The following PHLPP1 variants were observed in gnomAD, a reference collection of about 807,000 sequenced individuals.
PHLPP1 encodes the protein PH domain and leucine rich repeat protein phosphatase 1.
Under a neutral mutation model 117.2 loss-of-function variants are expected in PHLPP1, and 42 were observed. That is an observed-to-expected ratio of 0.36 (90% CI 0.28 to 0.46). The LOEUF (loss-of-function observed/expected upper bound fraction) is 0.46, where lower values mean the gene tolerates loss of function less well. Ranked by LOEUF, PHLPP1 falls within the 20% of genes least tolerant of loss-of-function variation. The pLI is 1.00. For synonymous variants in PHLPP1, 1,042 were observed against 970.7 expected (o/e 1.07, Z -1.37); for missense variants, 2,084 against 2,241.9 (o/e 0.93, Z 1.42).
rs1293949337 is a variant in PHLPP1 at position 62,892,057 on chromosome 18, TTTTC to T, written c.2067-2946_2067-2943del. Reference sequence around the variant, plus strand: ...GAAAAGTGTCATTGTTTTCTTTTCATTTTCTTTCTTTTCTTTCTTTCTTTCTTTT... The same window carrying T: ...GAAAAGTGTCATTGTTTTCTTTTCATTTTCTTTTCTTTCTTTCTTTCTTTT... On this transcript the variant is annotated intron_variant, in intron 4 of 16. Coordinates refer to ENST00000262719, the MANE Select transcript of PHLPP1 (RefSeq NM_194449.4). Among the ~76,000 whole-genome samples the T allele has an allele frequency of 4.0e-3, 602 of 149,440 alleles. 2 individuals are homozygous for T. Among genetic ancestry groups the T allele is most frequent in the Non-Finnish European group, 7.2e-3 (483 of 67,422 alleles).
At chr18:62,926,130 A>G (rs1215443236) in intron 10 of PHLPP1, among the ~76,000 whole-genome samples, 1 of 152,212 alleles carries the variant, frequency 6.6e-6, no homozygotes, top group African/African-American at 2.4e-5. Context: ...AAATCAACTG[A>G]CAATTTTTTC....
chr18:62,864,241 C>G (rs1240597905), intron 4 of PHLPP1, among the ~76,000 whole-genome samples: 1 of 151,992 alleles, frequency 6.6e-6, no homozygotes, highest in African/African-American at 2.4e-5. Flanking sequence ...AGGCTGGTCT[C>G]GAACTCCTGA....
chr18:62,861,349 CCTT>C (rs1347114199), intron 4 of PHLPP1, among the ~76,000 whole-genome samples: 2 of 152,180 alleles, frequency 1.3e-5, no homozygotes, highest in Non-Finnish European at 2.9e-5. Context: ...AGTGATCTGC[CCTT>C]CTTGGCCTCC....
Position 62,822,430 on chromosome 18 carries a change from C to T in PHLPP1, c.1577-7605C>T, listed in dbSNP as rs186128954. On this transcript the variant is annotated intron_variant, in intron 1 of 16. Transcript: ENST00000262719. Reference sequence around the variant, plus strand: ...CTGAGTAGCTGGGACTGCAGACACCCGCCACCACGCCCAGCTATTTTTTTT... The same window carrying T: ...CTGAGTAGCTGGGACTGCAGACACCTGCCACCACGCCCAGCTATTTTTTTT... Among the ~76,000 whole-genome samples the T allele has an allele frequency of 1.0e-3, 157 of 151,686 alleles. 2 individuals are homozygous for T. The highest frequency in any genetic ancestry group is 3.5e-3 in the African/African-American group (147 of 41,430).
intron 13 of PHLPP1, among the ~76,000 whole-genome samples, chr18:62,961,404 G>A (rs1243052133): frequency 1.3e-5 from 2 of 152,132 alleles, no homozygotes; most frequent in Non-Finnish European, 2.9e-5. Context: ...TGCTTCACTA[G>A]AAAGAATTAT....
At chr18:62,848,370 A>G (rs759364608) in intron 3 of PHLPP1, among the ~76,000 whole-genome samples, 8 of 151,488 alleles carry the variant, frequency 5.3e-5, no homozygotes, top group Non-Finnish European at 1.2e-4. Context: ...AACTTTTACC[A>G]TTTGGCAAGC....
chr18:62,901,663 G>T lies in PHLPP1; in HGVS notation c.2445-1301G>T, dbSNP rs1237616982. Among the ~76,000 whole-genome samples, 13 of 144,350 alleles carry T rather than the reference G, an allele frequency of 9.0e-5. No individual in the cohort carries two copies. In the Admixed American group the frequency reaches 9.3e-4, roughly 10 times the overall value. 94.7% of individuals were successfully genotyped at this position (144,350 alleles called of 152,430 possible). Reference sequence around the variant, plus strand: ...TTTTGAGATGGAGTCTCGCTCTGTCGCCCAGGCTAGAGTGCAATGGCGTGA... The same window carrying T: ...TTTTGAGATGGAGTCTCGCTCTGTCTCCCAGGCTAGAGTGCAATGGCGTGA... On this transcript the variant is annotated intron_variant, in intron 6 of 16. Transcript: ENST00000262719.
chr18:62,864,739 C>T (rs1915728732), intron 4 of PHLPP1, among the ~76,000 whole-genome samples: 1 of 152,204 alleles, frequency 6.6e-6, no homozygotes, highest in Admixed American at 6.5e-5. Context: ...ATTCCAGTAC[C>T]TGCCCAGAAT....
At chr18:62,832,133 A>G (rs959956344) in intron 2 of PHLPP1, 1 of 152,252 alleles carries the variant, frequency 6.6e-6, no homozygotes, top group Non-Finnish European at 1.5e-5. Context: ...TAATATAACT[A>G]TTCAGTATCC....
intron 1 of PHLPP1, among the ~76,000 whole-genome samples, chr18:62,801,051 CCCTCCCTCCCTCCCT>C: frequency 1.1e-5 from 1 of 93,204 alleles, no homozygotes; most frequent in Non-Finnish European, 2.3e-5. Flanking sequence ...CTCCCTCCCT[CCCTCCCTCCCTCCCT>C]CCTTCCCTTT....
At chr18:62,916,532 TTC>T (rs1909280535) in intron 9 of PHLPP1, among the ~76,000 whole-genome samples, 1 of 151,762 alleles carries the variant, frequency 6.6e-6, no homozygotes. Flanking sequence ...TGAAAGTGCT[TTC>T]TGCCCTAGAA....
At chr18:62,901,934 A>G (rs1227714200) in intron 6 of PHLPP1, among the ~76,000 whole-genome samples, 1 of 151,998 alleles carries the variant, frequency 6.6e-6, no homozygotes, top group Non-Finnish European at 1.5e-5. Flanking sequence ...ATCCTATATT[A>G]ATACTTTTCT....
rs772168103 is a variant in PHLPP1, at chr18:62,830,125, G to A, written c.1667G>A (p.Arg556Gln). 4.3e-6 allele frequency: 7 copies of A among 1,611,944 alleles called. No individual in the cohort carries two copies. Among genetic ancestry groups the A allele is most frequent in the African/African-American group, 1.3e-5 (1 of 74,906 alleles). ...GGCAAGATGCAGTTGCCAGTGAACCGATGGACAAGACGCCAAGTCATCCTA... is the reference window on the plus strand; with the variant it reads ...GGCAAGATGCAGTTGCCAGTGAACCAATGGACAAGACGCCAAGTCATCCTA... ...RKGKMQLPVNRWTRRQVILCG... is the reference protein window; with the variant it reads ...RKGKMQLPVNQWTRRQVILCG... Residue 556 changes from arginine to glutamine, a missense_variant, in exon 2 of 17, where the codon CGA (arginine) becomes CAA (glutamine). Arg to Gln is a conservative substitution (Grantham distance 43). Coordinates refer to ENST00000262719, the MANE Select transcript of PHLPP1 (RefSeq NM_194449.4).
chr18:62,884,514 A>C (rs1217604205), intron 4 of PHLPP1, among the ~76,000 whole-genome samples: 1 of 152,254 alleles, frequency 6.6e-6, no homozygotes, highest in Non-Finnish European at 1.5e-5. Context: ...AGCCACTCAA[A>C]GCCATTAGGG....
At chr18:62,813,288 C>G (rs1914176291) in intron 1 of PHLPP1, among the ~76,000 whole-genome samples, 1 of 152,146 alleles carries the variant, frequency 6.6e-6, no homozygotes, top group Non-Finnish European at 1.5e-5. Context: ...CCCAAACATA[C>G]ACATCCCAAA....
intron 4 of PHLPP1, among the ~76,000 whole-genome samples, chr18:62,892,158 G>A (rs1195019530): frequency 1.4e-5 from 2 of 140,094 alleles, no homozygotes; most frequent in East Asian, 2.2e-4. Context: ...GCACGATCTC[G>A]GCTCACTGTG....
At chr18:62,856,531 G>T (rs1915502015) in intron 3 of PHLPP1, among the ~76,000 whole-genome samples, 1 of 152,070 alleles carries the variant, frequency 6.6e-6, no homozygotes, top group Non-Finnish European at 1.5e-5. Flanking sequence ...GGGCTCAAGT[G>T]GTCCGTCCAC....
At chr18:62,772,484 C>T (rs1912815987) in intron 1 of PHLPP1, among the ~76,000 whole-genome samples, 1 of 151,884 alleles carries the variant, frequency 6.6e-6, no homozygotes, top group African/African-American at 2.4e-5. Context: ...ATGAAATGCT[C>T]CAGTAGACCC....
chr18:62,715,615 T>A lies in PHLPP1; in HGVS notation c.-69T>A. The A allele has an allele frequency of 9.2e-7, 1 of 1,092,018 alleles. No individual in the cohort carries two copies. Among genetic ancestry groups the A allele is most frequent in the South Asian group, 3.7e-5 (1 of 26,976 alleles). The allele number at this position is 1,092,018 out of a possible 1,614,324, so 67.6% of individuals were successfully genotyped here. On this transcript the variant is annotated 5_prime_UTR_variant, in exon 1 of 17. Coordinates refer to ENST00000262719, the MANE Select transcript of PHLPP1 (RefSeq NM_194449.4). ...CCGCGCGCCGCCGCCGTCTCCCACCTCCGCCTCATCGCCTCCCTCTCCGCC... is the reference window on the plus strand; with the variant it reads ...CCGCGCGCCGCCGCCGTCTCCCACCACCGCCTCATCGCCTCCCTCTCCGCC...
Sources: allele counts gnomAD v4.1 joint callset (sites outside exome capture counted in the v4.1 genomes callset), GRCh38; gene constraint gnomAD v4.1.1; transcripts MANE v1.5; gene names NCBI Gene and HGNC (gene_info 2026-07-23, HGNC 2026-07-21).